BCAS3: variants seen among roughly 807,000 people sequenced by gnomAD.
The protein encoded by BCAS3 is BCAS3 microtubule associated cell migration factor.
BCAS3 carries 53 observed loss-of-function variants against 116.1 expected under a neutral mutation model. That is an observed-to-expected ratio of 0.46 (90% CI 0.37 to 0.57). The LOEUF (loss-of-function observed/expected upper bound fraction) is 0.57. BCAS3 is among the 20% of genes least tolerant of loss of function. The probability of loss-of-function intolerance (pLI) is 0.00; values close to 1 mark genes in which losing one functional copy is unlikely to be tolerated. For synonymous variants in BCAS3, 391 were observed against 408.2 expected (o/e 0.96, Z 0.51); for missense variants, 917 against 1,165.4 (o/e 0.79, Z 3.10).
chr17:61,238,981 CAG>C (rs536676206), intron 22 of BCAS3, among the ~76,000 whole-genome samples: 174 of 152,194 alleles, frequency 1.1e-3, no homozygotes, highest in Non-Finnish European at 2.0e-3. Context: ...GACAAGCAAA[CAG>C]AAGTCCAAAA....
chr17:61,102,890 C>T (rs2074414127), intron 22 of BCAS3, among the ~76,000 whole-genome samples: 1 of 152,002 alleles, frequency 6.6e-6, no homozygotes, highest in East Asian at 1.9e-4. Context: ...TCTGTCTGTC[C>T]CAAAGTTTTA....
chr17:60,862,213 G>A (rs2144858114), intron 7 of BCAS3, among the ~76,000 whole-genome samples: 1 of 152,308 alleles, frequency 6.6e-6, no homozygotes, highest in South Asian at 2.1e-4. Flanking sequence ...AACCCAGGAG[G>A]TGGAGCTTGC....
chr17:61,206,883 A>G (rs1041120219), intron 22 of BCAS3, among the ~76,000 whole-genome samples: 1 of 149,878 alleles, frequency 6.7e-6, no homozygotes, highest in South Asian at 2.1e-4. Flanking sequence ...GATCCAATCA[A>G]GTTGTTTTGT....
chr17:61,168,959 A>G (rs1445920050), intron 22 of BCAS3, among the ~76,000 whole-genome samples: 4 of 152,220 alleles, frequency 2.6e-5, no homozygotes, highest in South Asian at 2.1e-4. Context: ...CTCTCAAGGT[A>G]TAAGTGTGGA....
chr17:61,158,206 G>A (rs1357298720), intron 22 of BCAS3, among the ~76,000 whole-genome samples: 1 of 152,004 alleles, frequency 6.6e-6, no homozygotes, highest in Non-Finnish European at 1.5e-5. Context: ...GATTTATTTT[G>A]TTGTCTTGCA....
chr17:61,206,571 G>A (rs1006943180), intron 22 of BCAS3, among the ~76,000 whole-genome samples: 2 of 151,898 alleles, frequency 1.3e-5, no homozygotes, highest in African/African-American at 4.8e-5. Context: ...AGGCCAAGGC[G>A]GATGGATCAC....
Position 61,391,694 on chromosome 17 carries a change from C to T in BCAS3, c.2594-283C>T, listed in dbSNP as rs2060137536. The stretch of plus-strand genomic sequence containing the variant: ...CATGAAGAGCTGTGTAGTCCACACA[C>T]ATCGTCAGGGTGGCCGTGCTTCGGG... On this transcript the variant is annotated intron_variant, in intron 23 of 23. Coordinates refer to ENST00000407086, the MANE Select transcript of BCAS3 (RefSeq NM_017679.5). The surrounding 1 kb of genome is among the most constrained non-coding windows in gnomAD (Gnocchi z 7.7). The T allele has an allele frequency of 2.3e-6, 1 of 434,768 alleles. No individual in the cohort carries two copies. The highest frequency in any genetic ancestry group is 4.2e-6 in the Non-Finnish European group (1 of 237,836). The allele number at this position is 434,768 out of a possible 1,614,324, so 26.9% of individuals were successfully genotyped here.
At chr17:61,319,120 C>G (rs1050298122) in intron 22 of BCAS3, among the ~76,000 whole-genome samples, 2 of 152,208 alleles carry the variant, frequency 1.3e-5, no homozygotes, top group Admixed American at 6.5e-5. Context: ...GGAGAATGCA[C>G]AGTTACTCGC....
At chr17:61,185,491 A>G (rs977373379) in intron 22 of BCAS3, among the ~76,000 whole-genome samples, 4 of 152,160 alleles carry the variant, frequency 2.6e-5, no homozygotes, top group African/African-American at 9.6e-5. Context: ...TGACCTCTCA[A>G]AACAAAAGTT....
chr17:61,003,997 G>A (rs1281796774), intron 15 of BCAS3: 1 of 152,114 alleles, frequency 6.6e-6, no homozygotes, highest in Non-Finnish European at 1.5e-5. Context: ...CTCTGTTCAG[G>A]GTGGGGTTGG....
chr17:61,154,986 C>T (rs1277932045), intron 22 of BCAS3, among the ~76,000 whole-genome samples: 1 of 150,948 alleles, frequency 6.6e-6, no homozygotes, highest in East Asian at 1.9e-4. Flanking sequence ...TTTCTATTTG[C>T]ATTTTTTCTT....
rs145395532 is a variant in BCAS3, at chr17:61,017,115, C to T, written c.1637+1214C>T. On this transcript the variant is annotated intron_variant, in intron 16 of 23. Coordinates refer to ENST00000407086, the MANE Select transcript of BCAS3 (RefSeq NM_017679.5). The surrounding 1 kb of genome is among the most constrained non-coding windows in gnomAD (Gnocchi z 4.7). Reference sequence around the variant, plus strand: ...TTTAATTTTTTTCAGCTTTTTAACTCCTTGGGCCCAGGAAAAGTATAATTT... The same window carrying T: ...TTTAATTTTTTTCAGCTTTTTAACTTCTTGGGCCCAGGAAAAGTATAATTT... 6.6e-6 allele frequency: 1 copy of T among 152,182 alleles called. No homozygotes were observed. The highest frequency in any genetic ancestry group is 2.4e-5 in the African/African-American group (1 of 41,516). 9.4% of individuals were successfully genotyped at this position (152,182 alleles called of 1,614,324 possible). A position where few individuals can be genotyped will look rare whatever the true frequency, so the allele number is the denominator to read the frequency against.
At chr17:60,710,633 A>T (rs563051816) in intron 5 of BCAS3, among the ~76,000 whole-genome samples, 1 of 151,818 alleles carries the variant, frequency 6.6e-6, no homozygotes, top group Non-Finnish European at 1.5e-5. Context: ...GGGTTTCACC[A>T]CGTTAGCCAG....
chr17:61,232,814 G>T (rs2082769846), intron 22 of BCAS3, among the ~76,000 whole-genome samples: 1 of 151,914 alleles, frequency 6.6e-6, no homozygotes, highest in East Asian at 1.9e-4. Flanking sequence ...AACTTTCTTT[G>T]TCTATTTCAA....
At chr17:60,884,643 G>A (rs1295996343) in intron 9 of BCAS3, among the ~76,000 whole-genome samples, 26 of 133,492 alleles carry the variant, frequency 1.9e-4, no homozygotes, top group East Asian at 4.5e-4. Flanking sequence ...GGTATGTTGT[G>A]TCTTTGTTCT....
intron 23 of BCAS3, among the ~76,000 whole-genome samples, chr17:61,373,163 T>A (rs1462747083): frequency 6.6e-6 from 1 of 151,918 alleles, no homozygotes; most frequent in Non-Finnish European, 1.5e-5. Flanking sequence ...TGATCTCGGC[T>A]CACTGCAACC....
At chr17:61,057,116 A>T (rs143402535) in intron 19 of BCAS3, among the ~76,000 whole-genome samples, 3 of 152,202 alleles carry the variant, frequency 2.0e-5, no homozygotes, top group African/African-American at 7.2e-5. Context: ...GTTTATATGT[A>T]TATCTGCATC....
chr17:60,870,303 G>A (rs1160105965), intron 8 of BCAS3, among the ~76,000 whole-genome samples: 1 of 152,164 alleles, frequency 6.6e-6, no homozygotes, highest in Non-Finnish European at 1.5e-5. Flanking sequence ...AAGAGTGTAT[G>A]ATATGGCAGA....
At chr17:61,386,800 T>TTG (rs1163882498) in intron 23 of BCAS3, among the ~76,000 whole-genome samples, 1 of 142,202 alleles carries the variant, frequency 7.0e-6, no homozygotes, top group African/African-American at 2.8e-5. Flanking sequence ...TTTTTTGTTT[T>TTG]TTTTTTTTTT....
Sources: gnomAD v4.1 joint callset for allele counts (sites outside exome capture counted in the v4.1 genomes callset) on GRCh38, gnomAD v4.1.1 for gene constraint, Gnocchi (gnomAD v3.1) non-coding constraint, MANE v1.5 for transcripts, NCBI Gene and HGNC (gene_info 2026-07-23, HGNC 2026-07-21) for gene names.